Variants in DPYD observed in about 807,000 individuals in gnomAD.
The protein encoded by DPYD is dihydropyrimidine dehydrogenase.
A neutral mutation model predicts 116.2 loss-of-function variants in DPYD; 109 were observed. The ratio of observed to expected loss-of-function variants is 0.94; its 90% CI spans 0.80 to 1.10. DPYD has a LOEUF of 1.10. Among genes scored for constraint, DPYD ranks in the 50% least tolerant of loss-of-function variants. The probability of loss-of-function intolerance (pLI) is 0.00; values close to 1 mark genes in which losing one functional copy is unlikely to be tolerated. For synonymous variants in DPYD, 440 were observed against 432.0 expected, an observed-to-expected ratio of 1.02 and a Z score of -0.23; for missense variants, 1,302 against 1,254.5, an observed-to-expected ratio of 1.04 and a Z score of -0.57.
At chr1:97,137,523 A>T (rs1249815201) in intron 20 of DPYD, among the ~76,000 whole-genome samples, 1 of 152,234 alleles carries the variant, frequency 6.6e-6, no homozygotes, top group Non-Finnish European at 1.5e-5. Flanking sequence ...GAGCTTTCTC[A>T]TAATGGTATT....
chr1:97,866,316 C>T (rs1024735630), intron 2 of DPYD, among the ~76,000 whole-genome samples: 2 of 151,924 alleles, frequency 1.3e-5, no homozygotes, highest in Non-Finnish European at 2.9e-5. Context: ...CTTTACTGGC[C>T]TTCTGTTAAT....
chr1:97,575,547 G>T (rs1001069104), intron 10 of DPYD, among the ~76,000 whole-genome samples: 1 of 152,064 alleles, frequency 6.6e-6, no homozygotes, highest in Non-Finnish European at 1.5e-5. Flanking sequence ...TGTCATTAAA[G>T]GCTTAAAAAT....
chr1:97,332,045 C>A (rs1238946902), intron 16 of DPYD, among the ~76,000 whole-genome samples: 1 of 152,196 alleles, frequency 6.6e-6, no homozygotes, highest in Non-Finnish European at 1.5e-5. Context: ...ATCTGAGATG[C>A]TATTAGTTGA....
chr1:97,222,010 A>G (rs1660811998), intron 19 of DPYD, among the ~76,000 whole-genome samples: 2 of 152,240 alleles, frequency 1.3e-5, no homozygotes, highest in Admixed American at 1.3e-4. Context: ...AACTCATTTC[A>G]AGTGACACTG....
At chr1:97,439,643 T>G (rs1469294214) in intron 14 of DPYD, among the ~76,000 whole-genome samples, 4 of 152,130 alleles carry the variant, frequency 2.6e-5, no homozygotes, top group Admixed American at 2.6e-4. Context: ...GGTCAATTTT[T>G]TTCGTCTCCG....
At chr1:97,902,704 T>C (rs941548404) in intron 1 of DPYD, among the ~76,000 whole-genome samples, 2 of 151,848 alleles carry the variant, frequency 1.3e-5, no homozygotes, top group African/African-American at 2.4e-5. Flanking sequence ...TAAGAGGTAA[T>C]TTCATCAAAT....
chr1:97,134,415 G>T (rs1653625899), intron 20 of DPYD, among the ~76,000 whole-genome samples: 1 of 152,032 alleles, frequency 6.6e-6, no homozygotes, highest in Admixed American at 6.6e-5. Context: ...TAGCTCTCTG[G>T]TCTGCTACCG....
intron 18 of DPYD, among the ~76,000 whole-genome samples, chr1:97,290,494 A>G (rs1666065094): frequency 6.6e-6 from 1 of 152,112 alleles, no homozygotes; most frequent in Admixed American, 6.5e-5. Flanking sequence ...AGAGATATAG[A>G]TCAATGGAAC....
rs187091787 is a variant in DPYD, at chr1:97,700,215, G to C, written c.484-668C>G. 105 of 455,870 alleles carry C rather than the reference G, an allele frequency of 2.3e-4. 2 individuals carry two copies. Among genetic ancestry groups the C allele is most frequent in the Admixed American group, 1.7e-3 (73 of 42,492 alleles). 28.2% of individuals were successfully genotyped at this position (455,870 alleles called of 1,614,324 possible). On this transcript the variant is annotated intron_variant, in intron 5 of 22. Transcript: ENST00000370192. ...CAAAGGGAGGAAGGCTAAGCATCTT[G>C]AAGAGAACCACAGCTCAGAAAAGAG...
In DPYD at chr1:97,801,634, T is replaced by C. The variant is rs1350457514; in HGVS notation, c.233+26480A>G. 3.9e-5 allele frequency among the ~76,000 whole-genome samples: 6 copies of C among 151,928 alleles called. No homozygotes were observed. In the East Asian group the frequency reaches 1.2e-3, roughly 29 times the overall value. On this transcript the variant is annotated intron_variant, in intron 3 of 22. Coordinates refer to ENST00000370192, the MANE Select transcript of DPYD (RefSeq NM_000110.4). ...AAAGGCGAACCTGAGAAGGTAACAT[T>C]TGAGGAAAGAACTGAAGGATGAGAG...
At chr1:97,323,888 AT>A (rs1174513538) in intron 16 of DPYD, among the ~76,000 whole-genome samples, 1 of 151,740 alleles carries the variant, frequency 6.6e-6, no homozygotes, top group Non-Finnish European at 1.5e-5. Context: ...AACTATCCCC[AT>A]TTCGCAAGTC....
At chr1:97,697,448 T>C (rs1661369974) in intron 6 of DPYD, among the ~76,000 whole-genome samples, 1 of 152,050 alleles carries the variant, frequency 6.6e-6, no homozygotes, top group Admixed American at 6.5e-5. Flanking sequence ...AAGTAGAAAA[T>C]AAAGTAACAG....
chr1:97,658,753 G>C (rs150341978), intron 8 of DPYD, among the ~76,000 whole-genome samples: 4 of 151,870 alleles, frequency 2.6e-5, no homozygotes, highest in Non-Finnish European at 5.9e-5. Context: ...ATCACTTTTC[G>C]TATTCAGTAG....
intron 8 of DPYD, among the ~76,000 whole-genome samples, chr1:97,629,536 GC>G (rs1657127853): frequency 6.6e-6 from 1 of 151,796 alleles, no homozygotes; most frequent in Non-Finnish European, 1.5e-5. Context: ...CATCTCTTTT[GC>G]CCCCTTACTT....
chr1:97,383,475 C>CA (rs796302274), intron 14 of DPYD, among the ~76,000 whole-genome samples: 4,917 of 79,956 alleles, frequency 0.061, 225 homozygotes, highest in African/African-American at 0.18. Flanking sequence ...GACTCTGTCT[C>CA]AAAAAAAAAA....
chr1:97,081,870 T>C (rs545685041), intron 22 of DPYD, among the ~76,000 whole-genome samples: 1 of 152,176 alleles, frequency 6.6e-6, no homozygotes, highest in South Asian at 2.1e-4. Flanking sequence ...AACTCGTTGG[T>C]GGGAAAGTGC....
At chr1:97,503,266 T>A (rs1679697410) in intron 13 of DPYD, among the ~76,000 whole-genome samples, 1 of 152,038 alleles carries the variant, frequency 6.6e-6, no homozygotes, top group South Asian at 2.1e-4. Flanking sequence ...TGTTTGTTTA[T>A]TCCCCCCATT....
At chr1:97,583,597 T>TCTA (rs1653853663) in intron 10 of DPYD, among the ~76,000 whole-genome samples, 1 of 151,856 alleles carries the variant, frequency 6.6e-6, no homozygotes, top group African/African-American at 2.4e-5. Flanking sequence ...ACTCTCGGAT[T>TCTA]CTAGTAATTT....
At chr1:97,193,320 G>C (rs1348815973) in intron 19 of DPYD, 72 bp from the exon 20 acceptor site, 10 of 1,460,786 alleles carry the variant, frequency 6.8e-6, no homozygotes, top group African/African-American at 1.4e-5. Context: ...ACTTTTCTTT[G>C]AGTCAACAAA....
Sources: allele counts gnomAD v4.1 joint callset (sites outside exome capture counted in the v4.1 genomes callset), GRCh38; gene constraint gnomAD v4.1.1; transcripts MANE v1.5; gene names NCBI Gene and HGNC (gene_info 2026-07-23, HGNC 2026-07-21).